Variants in CPNE8 observed in about 807,000 individuals in gnomAD.
The protein encoded by CPNE8 is copine 8.
In CPNE8, 45 loss-of-function variants were observed where a neutral mutation model predicts 81.5. That is an observed-to-expected ratio of 0.55 (90% CI 0.44 to 0.71). CPNE8 has a LOEUF of 0.71. Ranked by LOEUF, CPNE8 falls within the 30% of genes least tolerant of loss-of-function variation. The pLI, the probability that CPNE8 is intolerant of heterozygous loss-of-function variation, is 0.00. For missense variants in CPNE8, 594 were observed against 672.1 expected (o/e 0.88, Z 1.28); for synonymous variants, 252 against 226.3 (o/e 1.11, Z -1.02).
At chr12:38,821,883 A>G (rs181878915) in intron 6 of CPNE8, among the ~76,000 whole-genome samples, 1 of 152,298 alleles carries the variant, frequency 6.6e-6, no homozygotes, top group Admixed American at 6.5e-5. Context: ...TTTTGATTAA[A>G]CTTCGATTAT....
At chr12:38,685,132 T>G (rs1329318204) in intron 16 of CPNE8, among the ~76,000 whole-genome samples, 1 of 152,242 alleles carries the variant, frequency 6.6e-6, no homozygotes, top group Non-Finnish European at 1.5e-5. Context: ...ATGCTACTTA[T>G]TACTATTATG....
upstream of CPNE8, chr12:38,905,711 AG>A: frequency 6.9e-7 from 1 of 1,442,430 alleles, no homozygotes; most frequent in Non-Finnish European, 9.1e-7. Flanking sequence ...CAGAGCCACG[AG>A]GGAACCGCTA....
At chr12:38,893,154 A>G (rs1176098682) in intron 1 of CPNE8, among the ~76,000 whole-genome samples, 1 of 152,198 alleles carries the variant, frequency 6.6e-6, no homozygotes, top group African/African-American at 2.4e-5. Context: ...TTTTCTAAAT[A>G]TATGTTAACA....
chr12:38,799,718 G>A (rs1565623894), intron 6 of CPNE8, among the ~76,000 whole-genome samples: 1 of 150,152 alleles, frequency 6.7e-6, no homozygotes, highest in Non-Finnish European at 1.5e-5. Flanking sequence ...CAGAAGACGG[G>A]TGATTTCTGC....
At chr12:38,740,858 T>TA (rs1941082679) in intron 10 of CPNE8, among the ~76,000 whole-genome samples, 1 of 151,860 alleles carries the variant, frequency 6.6e-6, no homozygotes, top group South Asian at 2.1e-4. Flanking sequence ...TCTCTTTTTT[T>TA]GTTGTGTCTC....
intron 13 of CPNE8, among the ~76,000 whole-genome samples, chr12:38,722,521 A>G (rs180809283): frequency 7.9e-4 from 121 of 152,248 alleles, no homozygotes; most frequent in Middle Eastern, 3.4e-3. Context: ...ACCTGAGGAC[A>G]TTCTATCAGT....
At chr12:38,747,975 A>T (rs1386090009) in intron 10 of CPNE8, among the ~76,000 whole-genome samples, 1 of 152,094 alleles carries the variant, frequency 6.6e-6, no homozygotes. Context: ...CAAATAAGTA[A>T]GCATTCCTAG....
chr12:38,687,418 G>T (rs1265930487), intron 15 of CPNE8, among the ~76,000 whole-genome samples: 3 of 109,850 alleles, frequency 2.7e-5, no homozygotes, highest in African/African-American at 7.2e-5. Flanking sequence ...CTCTTGCTCT[G>T]TTGCCCAGGC....
rs565733558 is a variant in CPNE8, at chr12:38,724,772, A to T, written c.852+74T>A. On this transcript the variant is annotated intron_variant, in intron 12 of 19. Coordinates refer to ENST00000331366, the MANE Select transcript of CPNE8 (RefSeq NM_153634.3). ...AGTTTTTTTAATTGCTTCCAGTAGG[A>T]TTAAAGATGCCATCTACATATATGC... 2.0e-4 allele frequency: 204 copies of T among 1,015,834 alleles called. 1 individual carries two copies. In the African/African-American group the frequency reaches 3.0e-3, roughly 15 times the overall value. The allele number at this position is 1,015,834 out of a possible 1,614,324, so 62.9% of individuals were successfully genotyped here.
At chr12:38,806,782 G>T (rs1159422662) in intron 6 of CPNE8, among the ~76,000 whole-genome samples, 1 of 148,066 alleles carries the variant, frequency 6.8e-6, no homozygotes, top group Non-Finnish European at 1.5e-5. Context: ...GAAATAAAGG[G>T]TATTCAATTA....
chr12:38,736,327 C>T (rs529762398), intron 10 of CPNE8, among the ~76,000 whole-genome samples: 2 of 150,800 alleles, frequency 1.3e-5, no homozygotes, highest in African/African-American at 4.9e-5. Flanking sequence ...TTTATTTTCA[C>T]CTCTTGATTA....
chr12:38,659,791 T>C (rs974191243), intron 19 of CPNE8, among the ~76,000 whole-genome samples: 1 of 151,912 alleles, frequency 6.6e-6, no homozygotes, highest in Non-Finnish European at 1.5e-5. Context: ...CTGCTCAATG[T>C]GCAAAAATCA....
intron 7 of CPNE8, among the ~76,000 whole-genome samples, chr12:38,773,257 G>A (rs1217596305): frequency 2.0e-5 from 3 of 152,060 alleles, no homozygotes; most frequent in Non-Finnish European, 4.4e-5. Context: ...AGTACCTATG[G>A]TTAACAATAC....
chr12:38,698,373 T>C (rs1039161949), intron 14 of CPNE8, among the ~76,000 whole-genome samples: 3 of 152,232 alleles, frequency 2.0e-5, no homozygotes, highest in Non-Finnish European at 4.4e-5. Flanking sequence ...ATTTTCTTGA[T>C]AGTGCCCTTC....
chr12:38,857,134 T>C (rs1289697963), intron 3 of CPNE8, among the ~76,000 whole-genome samples: 1 of 152,168 alleles, frequency 6.6e-6, no homozygotes, highest in Non-Finnish European at 1.5e-5. Flanking sequence ...CCTTCAAATG[T>C]TACTGATTCA....
intron 6 of CPNE8, among the ~76,000 whole-genome samples, chr12:38,795,863 G>GATAGATA (rs1565620173): frequency 2.1e-3 from 50 of 24,020 alleles, no homozygotes; most frequent in African/African-American, 3.8e-3. Context: ...ATAGATGGAT[G>GATAGATA]GATGGATAGA....
At chr12:38,844,744 AT>A (rs944726147) in intron 4 of CPNE8, among the ~76,000 whole-genome samples, 8 of 152,084 alleles carry the variant, frequency 5.3e-5, no homozygotes, top group Non-Finnish European at 2.9e-5. Context: ...CAGCACTGAA[AT>A]TTTTTTAAGT....
In CPNE8 at chr12:38,652,256, A is replaced by T. The variant is rs957911119; in HGVS notation, c.*1626T>A. The T allele has an allele frequency of 1.3e-5, 2 of 152,226 alleles. No homozygotes were observed. Among genetic ancestry groups the T allele is most frequent in the East Asian group, 3.9e-4 (2 of 5,194 alleles). The allele number at this position is 152,226 out of a possible 1,614,324, so 9.4% of individuals were successfully genotyped here. A position where few individuals can be genotyped will look rare whatever the true frequency, so the allele number is the denominator to read the frequency against. On this transcript the variant is annotated 3_prime_UTR_variant, in exon 20 of 20. Transcript: ENST00000331366. ...GGGTTGATAAATAAAGCTAAATTTAAAAATCTGTAGGTAATACACTGTAGT... is the reference window on the plus strand; with the variant it reads ...GGGTTGATAAATAAAGCTAAATTTATAAATCTGTAGGTAATACACTGTAGT...
chr12:38,827,344 G>A (rs1350721896), intron 6 of CPNE8, among the ~76,000 whole-genome samples: 1 of 152,134 alleles, frequency 6.6e-6, no homozygotes, highest in East Asian at 1.9e-4. Flanking sequence ...AGGCTGCAGA[G>A]AAAAGGGAAC....
Sources: gnomAD v4.1 joint callset for allele counts (sites outside exome capture counted in the v4.1 genomes callset) on GRCh38, gnomAD v4.1.1 for gene constraint, MANE v1.5 for transcripts, NCBI Gene and HGNC (gene_info 2026-07-23, HGNC 2026-07-21) for gene names.